The following FCHSD1 variants were observed in gnomAD, a reference collection of about 807,000 sequenced individuals.
The protein encoded by FCHSD1 is FCH and double SH3 domains 1.
In FCHSD1, 109 loss-of-function variants were observed where a neutral mutation model predicts 101.3. The observed-to-expected ratio is 1.08, with a 90% confidence interval of 0.92 to 1.26. The LOEUF (loss-of-function observed/expected upper bound fraction) is 1.26, where lower values mean the gene tolerates loss of function less well. FCHSD1 is among the 50% of genes most tolerant of loss of function. The pLI is 0.00. For synonymous variants in FCHSD1, 291 were observed against 356.8 expected (o/e 0.82, Z 2.08); for missense variants, 820 against 895.8 (o/e 0.92, Z 1.08).
In FCHSD1 at chr5:141,644,254, G is replaced by GA; in HGVS notation, c.1826_1827insT (p.Gly612ArgfsTer4). On this transcript the variant is annotated frameshift_variant, in exon 17 of 20. Transcript: ENST00000435817. LOFTEE classifies it high-confidence loss of function. ...CAGAGAGTTCAGGTGGCCCTGGGGG[G>GA]CCAAGCAGCTCTTCCACCAGCAGGG... 1 of 1,613,026 alleles carries GA rather than the reference G, an allele frequency of 6.2e-7. No homozygotes were observed. The highest frequency in any genetic ancestry group is 1.3e-5 in the African/African-American group (1 of 75,018).
chr5:141,647,595 G>A lies in FCHSD1; in HGVS notation c.706-75C>T, dbSNP rs377708406. ...TGTAAAATAGGCTCGTTCCAGATTT[G>A]ACAGGTGATGGGCATGAGGTATAGG... On this transcript the variant is annotated intron_variant, in intron 8 of 19. Transcript: ENST00000435817. 27 of 1,585,724 alleles carry A rather than the reference G, an allele frequency of 1.7e-5. No individual in the cohort carries two copies. In the African/African-American group the frequency reaches 3.4e-4, roughly 20 times the overall value.
chr5:141,647,521 C>G lies in FCHSD1; in HGVS notation c.706-1G>C, dbSNP rs370545898. ...GCTCTGACAGCTCACTGACCAGGGC[C>G]TAGAGAGAACCCCAAGATACTGACA... On this transcript the variant is annotated splice_acceptor_variant, in intron 8 of 19. Coordinates refer to ENST00000435817, the MANE Select transcript of FCHSD1 (RefSeq NM_033449.3). LOFTEE classifies it high-confidence loss of function. The G allele has an allele frequency of 2.5e-6, 4 of 1,612,194 alleles. No homozygotes were observed. The African/African-American group carries it at 5.3e-5, about 22-fold the overall frequency.
At position 141,649,647 on chromosome 5, in the gene FCHSD1, C is replaced by T; in HGVS notation, c.234-111G>A. The T allele has an allele frequency of 5.7e-6, 8 of 1,406,458 alleles. No individual in the cohort carries two copies. The highest frequency in any genetic ancestry group is 5.7e-6 in the Non-Finnish European group (6 of 1,056,982). 87.1% of individuals were successfully genotyped at this position (1,406,458 alleles called of 1,614,324 possible). On this transcript the variant is annotated intron_variant, in intron 4 of 19. Coordinates refer to ENST00000435817, the MANE Select transcript of FCHSD1 (RefSeq NM_033449.3). This position sits in a 1 kb window ranked among gnomAD's most constrained non-coding sequence, Gnocchi z 4.1. ...ATGGGAGACAGAGTGCTTTCCCATC[C>T]TCCCTTGTCTGGGAGCCCATCAATC...
intron 17 of FCHSD1, 60 bp from the exon 18 acceptor site, chr5:141,643,148 C>A: frequency 7.6e-7 from 1 of 1,307,456 alleles, no homozygotes; most frequent in Non-Finnish European, 1.0e-6. Flanking sequence ...ACCAGCTTTT[C>A]CTCTCATCCC....
Position 141,651,002 on chromosome 5 carries a change from G to C in FCHSD1, c.119+18C>G. 6.4e-7 allele frequency: 1 copy of C among 1,566,260 alleles called. No homozygotes were observed. The highest frequency in any genetic ancestry group is 8.7e-7 in the Non-Finnish European group (1 of 1,153,546). On this transcript the variant is annotated intron_variant, in intron 2 of 19. Coordinates refer to ENST00000435817, the MANE Select transcript of FCHSD1 (RefSeq NM_033449.3). ...AACGACGAAGGTGAGTGTAAATGAA[G>C]GGGGTTGGGGGAGCTACCTGATGTC...
At position 141,640,692 on chromosome 5, in the gene FCHSD1, A is replaced by G; in HGVS notation, c.*806T>C. ...CAAGTCTCCTTCATTGTGCTGATGG[A>G]CTACCAGCTGGCAGGGCCAGGGGGT... On this transcript the variant is annotated 3_prime_UTR_variant, in exon 20 of 20. Coordinates refer to ENST00000435817, the MANE Select transcript of FCHSD1 (RefSeq NM_033449.3). The G allele has an allele frequency of 6.5e-7, 1 of 1,534,538 alleles. No individual in the cohort carries two copies. The highest frequency in any genetic ancestry group is 8.7e-7 in the Non-Finnish European group (1 of 1,146,000).
chr5:141,648,211 CCTGGCACT>C, intron 7 of FCHSD1, 115 bp from the exon 8 acceptor site: 1 of 1,288,718 alleles, frequency 7.8e-7, no homozygotes, highest in Non-Finnish European at 1.0e-6. Context: ...TTACTATGTG[CCTGGCACT>C]ACACTAAAAA....
chr5:141,647,910 G>T, intron 8 of FCHSD1, 58 bp downstream of exon 8: 4 of 1,586,266 alleles, frequency 2.5e-6, no homozygotes, highest in Non-Finnish European at 3.4e-6. Context: ...CAAGAAGCAG[G>T]GGGAGGTCCT....
Position 141,642,959 on chromosome 5 carries a change from C to T in FCHSD1, c.1951+42G>A, listed in dbSNP as rs185168678. ...GGGAGTCCAAGCTTCCTCCTTCTTC[C>T]TGTCTGTTAGCCTCCCAAGGCTCCC... On this transcript the variant is annotated intron_variant, in intron 18 of 19. Coordinates refer to ENST00000435817, the MANE Select transcript of FCHSD1 (RefSeq NM_033449.3). The T allele has an allele frequency of 1.7e-5, 26 of 1,534,854 alleles. No individual in the cohort carries two copies. In the Admixed American group the frequency reaches 4.2e-4, roughly 25 times the overall value.
Position 141,644,692 on chromosome 5 carries a change from T to C in FCHSD1, c.1525-2A>G, listed in dbSNP as rs199646898. 581 of 1,613,784 alleles carry C rather than the reference T, an allele frequency of 3.6e-4. 1 individual carries two copies. The highest frequency in any genetic ancestry group is 4.7e-4 in the Non-Finnish European group (557 of 1,179,820). On this transcript the variant is annotated splice_acceptor_variant, in intron 15 of 19. Transcript: ENST00000435817. LOFTEE classifies it high-confidence loss of function. ...TACCTCGCCGTGCTGGTTCCGAGCC[T>C]GCTCACCCAGCAATGTGAACAGATA...
intron 3 of FCHSD1, 126 bp from the exon 4 acceptor site, chr5:141,650,080 G>T: frequency 2.0e-6 from 2 of 1,001,956 alleles, no homozygotes; most frequent in Non-Finnish European, 2.9e-6. Flanking sequence ...TTTGCTAAAT[G>T]CCTTATAGTC....
chr5:141,648,187 A>G, intron 7 of FCHSD1, 91 bp from the exon 8 acceptor site: 1 of 1,466,080 alleles, frequency 6.8e-7, no homozygotes, highest in East Asian at 2.3e-5. Context: ...ATGGATTCTC[A>G]CATTATTGAG....
In FCHSD1 at chr5:141,648,953, G is replaced by A. The variant is rs201729092; in HGVS notation, c.576+4C>T. 5.9e-5 allele frequency: 96 copies of A among 1,613,804 alleles called. No homozygotes were observed. In the African/African-American group the frequency reaches 9.1e-4, roughly 15 times the overall value. On this transcript the variant is annotated splice_donor_region_variant and intron_variant, in intron 7 of 19. Coordinates refer to ENST00000435817, the MANE Select transcript of FCHSD1 (RefSeq NM_033449.3). Reference sequence around the variant, plus strand: ...GCCCCCACTCATGCCCTCATCCCTCGAACCTTGGTGCTCAGTTTCTGGAGA... The same window carrying A: ...GCCCCCACTCATGCCCTCATCCCTCAAACCTTGGTGCTCAGTTTCTGGAGA...
rs1436271291 is a variant in FCHSD1, at chr5:141,646,170, T to C, written c.1066A>G (p.Arg356Gly). The change falls in exon 12 of 20, where the codon AGG becomes GGG. Residue 356 changes from arginine to glycine, a missense_variant. Arg to Gly is a moderately radical substitution (Grantham distance 125). Coordinates refer to ENST00000435817, the MANE Select transcript of FCHSD1 (RefSeq NM_033449.3). Reference protein sequence around the residue: ...GHRVLQRLEQRRQQASEREAP... With the variant: ...GHRVLQRLEQGRQQASEREAP... ...TCCCGCTCTGAAGCCTGCTGCCGCC[T>C]CTGCTCCAGTCGTTGCAGTACCTGG... is the stretch of plus-strand genomic sequence containing the variant. 1 of 1,608,276 alleles carries C rather than the reference T, an allele frequency of 6.2e-7. No homozygotes were observed. The highest frequency in any genetic ancestry group is 8.5e-7 in the Non-Finnish European group (1 of 1,177,562).
At chr5:141,647,840 T>C (rs1471761136) in intron 8 of FCHSD1, 128 bp downstream of exon 8, 3 of 1,330,566 alleles carry the variant, frequency 2.3e-6, no homozygotes, top group East Asian at 5.1e-5. Context: ...AGTGCATGTA[T>C]GTATCATCTA....
At position 141,640,655 on chromosome 5, in the gene FCHSD1, C is replaced by T; in HGVS notation, c.*843G>A. ...TTGAACAGGAAGCAACAGTGTTATT[C>T]TTCCTCTTCTCCAAGTCTCCTTCAT... On this transcript the variant is annotated 3_prime_UTR_variant, in exon 20 of 20. Transcript: ENST00000435817. 1.3e-6 allele frequency: 2 copies of T among 1,536,672 alleles called. No homozygotes were observed. Among genetic ancestry groups the T allele is most frequent in the Non-Finnish European group, 1.7e-6 (2 of 1,146,480 alleles).
At position 141,644,422 on chromosome 5, in the gene FCHSD1, G is replaced by T; in HGVS notation, c.1659C>A (p.Ala553=). Residue 553 remains alanine, a synonymous_variant, in exon 17 of 20, where the codon GCC becomes GCA. Transcript: ENST00000435817. Reference sequence around the variant, plus strand: ...CACTCTGTCCGGTGTAGCTGTACAGGGCCTGTGCCAGGAATGCTACAGAGG... The same window carrying T: ...CACTCTGTCCGGTGTAGCTGTACAGTGCCTGTGCCAGGAATGCTACAGAGG... ...GAEPTAFLAQ[A]LYSYTGQSAE... 6.2e-7 allele frequency: 1 copy of T among 1,613,800 alleles called. No individual in the cohort carries two copies. The highest frequency in any genetic ancestry group is 8.5e-7 in the Non-Finnish European group (1 of 1,179,806).
In FCHSD1 at chr5:141,645,807, A is replaced by G. The variant is rs368535465; in HGVS notation, c.1275T>C (p.Ser425=). The G allele has an allele frequency of 9.9e-6, 16 of 1,610,236 alleles. No homozygotes were observed. In the African/African-American group the frequency reaches 2.0e-4, roughly 20 times the overall value. ...QDEVEQERRL[S]EARLSQRDLS... is the part of the protein sequence containing the mutation. ...GGTCCCTCTGGGACAGCCGAGCCTC[A>G]CTGAGCCGCCGCTCCTGCTCCACCT... The change falls in exon 13 of 20, where the codon AGT becomes AGC. Residue 425 remains serine (S), a synonymous_variant. Transcript: ENST00000435817.
In FCHSD1 at chr5:141,644,978, C is replaced by T. The variant is rs754881036; in HGVS notation, c.1441-36G>A. On this transcript the variant is annotated intron_variant, in intron 14 of 19. Coordinates refer to ENST00000435817, the MANE Select transcript of FCHSD1 (RefSeq NM_033449.3). ...CACGAAGGATTCAGGACTTGGCTGT[C>T]CCCCACCCTTGCCCATCAGAGGTCC... The T allele has an allele frequency of 3.0e-5, 49 of 1,613,762 alleles. No homozygotes were observed. The South Asian group carries it at 5.2e-4, about 17-fold the overall frequency.
Sources: gnomAD v4.1 joint callset for allele counts on GRCh38, gnomAD v4.1.1 for gene constraint, Gnocchi (gnomAD v3.1) non-coding constraint, MANE v1.5 for transcripts, NCBI Gene and HGNC (gene_info 2026-07-23, HGNC 2026-07-21) for gene names.